PPP2R2C: variants seen among roughly 807,000 people sequenced by gnomAD.
The protein encoded by PPP2R2C is protein phosphatase 2, regulatory subunit B, gamma.
In PPP2R2C, 10 loss-of-function variants were observed where a neutral mutation model predicts 45.3. The ratio of observed to expected loss-of-function variants is 0.22; its 90% CI spans 0.14 to 0.37. The LOEUF (loss-of-function observed/expected upper bound fraction) is 0.37. Among genes scored for constraint, PPP2R2C ranks in the 10% least tolerant of loss-of-function variants. PPP2R2C has a pLI of 1.00. For missense variants in PPP2R2C, 308 were observed against 619.7 expected, an observed-to-expected ratio of 0.50 and a Z score of 5.34; for synonymous variants, 257 against 245.4, an observed-to-expected ratio of 1.05 and a Z score of -0.44.
chr4:6,393,223 G>A (rs910757276), intron 1 of PPP2R2C, among the ~76,000 whole-genome samples: 5 of 151,896 alleles, frequency 3.3e-5, no homozygotes, highest in African/African-American at 4.8e-5. Context: ...CCCCACATCC[G>A]TCGGCAGCCA....
At chr4:6,421,568 C>T (rs1326909439) in intron 1 of PPP2R2C, among the ~76,000 whole-genome samples, 2 of 152,124 alleles carry the variant, frequency 1.3e-5, no homozygotes, top group Admixed American at 6.6e-5. Flanking sequence ...GCCGTGAAAA[C>T]GAAGCCCACA....
chr4:6,520,976 G>A (rs1393353521), intron 2 of PPP2R2C, among the ~76,000 whole-genome samples: 5 of 152,218 alleles, frequency 3.3e-5, no homozygotes, highest in Admixed American at 2.0e-4. Context: ...GACCTCTGGG[G>A]CTTACATACC....
chr4:6,537,040 T>C (rs1247499082), intron 1 of PPP2R2C, among the ~76,000 whole-genome samples: 1 of 151,972 alleles, frequency 6.6e-6, no homozygotes, highest in Non-Finnish European at 1.5e-5. Context: ...CTGTCTCTAC[T>C]GAAAATACAA....
chr4:6,414,750 G>A (rs1718455862), intron 1 of PPP2R2C, among the ~76,000 whole-genome samples: 1 of 152,092 alleles, frequency 6.6e-6, no homozygotes, highest in South Asian at 2.1e-4. Flanking sequence ...GGGGGTGGGA[G>A]AGCCCAATGG....
At chr4:6,381,865 G>T in intron 1 of PPP2R2C, 1 of 1,612,218 alleles carries the variant, frequency 6.2e-7, no homozygotes, top group Non-Finnish European at 8.5e-7. Context: ...CCCACTTTTT[G>T]CATGTGGGAA....
intron 1 of PPP2R2C, among the ~76,000 whole-genome samples, chr4:6,455,929 T>C (rs1721000815): frequency 6.6e-6 from 1 of 151,832 alleles, no homozygotes; most frequent in East Asian, 1.9e-4. Context: ...GCCCACTGCA[T>C]CCCTGCCCCT....
At chr4:6,419,968 C>G (rs946978986) in intron 1 of PPP2R2C, among the ~76,000 whole-genome samples, 9 of 152,160 alleles carry the variant, frequency 5.9e-5, no homozygotes, top group East Asian at 1.9e-4. Context: ...ACACAAGAAC[C>G]CTATTTCCAA....
intron 2 of PPP2R2C, among the ~76,000 whole-genome samples, chr4:6,534,393 C>G (rs1724521247): frequency 6.6e-6 from 1 of 150,418 alleles, no homozygotes; most frequent in Admixed American, 6.6e-5. Context: ...TACACACACA[C>G]CAACACACAC....
intron 5 of PPP2R2C, among the ~76,000 whole-genome samples, chr4:6,371,754 G>A (rs548932311): frequency 6.6e-6 from 1 of 152,342 alleles, no homozygotes; most frequent in East Asian, 1.9e-4. Context: ...TTGTGAAGGT[G>A]AAATGAGTTA....
intron 5 of PPP2R2C, among the ~76,000 whole-genome samples, chr4:6,372,205 G>A (rs1178310644): frequency 1.3e-5 from 2 of 152,236 alleles, no homozygotes. Flanking sequence ...GCAGTCCCTC[G>A]TCCAGAGCAG....
chr4:6,429,864 G>T (rs1719522005), intron 1 of PPP2R2C, among the ~76,000 whole-genome samples: 1 of 152,092 alleles, frequency 6.6e-6, no homozygotes, highest in African/African-American at 2.4e-5. Flanking sequence ...GTGGCATGGG[G>T]GCCAGCTGGA....
rs1241680295 is a variant in PPP2R2C at position 6,368,339 on chromosome 4, A to G, written c.625+4184T>C. ...GCTGGCTGGGCCACCGACTCCCTGT[A>G]GCACCCACGGACCACCTGCTCCAAT... On this transcript the variant is annotated intron_variant, in intron 5 of 8. Coordinates refer to ENST00000382599, the MANE Select transcript of PPP2R2C (RefSeq NM_020416.4). This position sits in a 1 kb window ranked among gnomAD's most constrained non-coding sequence, Gnocchi z 4.2. Among the ~76,000 whole-genome samples the G allele has an allele frequency of 6.6e-6, 1 of 152,104 alleles. No homozygotes were observed. The highest frequency in any genetic ancestry group is 1.5e-5 in the Non-Finnish European group (1 of 68,006).
intron 2 of PPP2R2C, among the ~76,000 whole-genome samples, chr4:6,497,927 G>T (rs1160554089): frequency 6.6e-6 from 1 of 152,226 alleles, no homozygotes; most frequent in African/African-American, 2.4e-5. Flanking sequence ...GAGACCATTA[G>T]CAGTCACCAG....
chr4:6,329,390 T>A lies in PPP2R2C; in HGVS notation c.961-37A>T, dbSNP rs753918244. 6.4e-7 allele frequency: 1 copy of A among 1,556,436 alleles called. No individual in the cohort carries two copies. On this transcript the variant is annotated intron_variant, in intron 7 of 8. Coordinates refer to ENST00000382599, the MANE Select transcript of PPP2R2C (RefSeq NM_020416.4). The surrounding 1 kb of genome is among the most constrained non-coding windows in gnomAD (Gnocchi z 5.8). ...AGGGATGAGGTGAGTGGACGGGGCGTCCCGACCATCCTGGCCCTTCCACAA... is the reference window on the plus strand; with the variant it reads ...AGGGATGAGGTGAGTGGACGGGGCGACCCGACCATCCTGGCCCTTCCACAA...
intron 2 of PPP2R2C, among the ~76,000 whole-genome samples, chr4:6,518,517 C>G (rs1306740921): frequency 6.6e-6 from 1 of 152,192 alleles, no homozygotes; most frequent in African/African-American, 2.4e-5. Context: ...ACACTGTGAA[C>G]AACTCTATGC....
At chr4:6,536,037 C>T (rs1158113368) in intron 1 of PPP2R2C, among the ~76,000 whole-genome samples, 2 of 152,224 alleles carry the variant, frequency 1.3e-5, no homozygotes, top group African/African-American at 2.4e-5. Context: ...CCCCTGACAG[C>T]TTCTTTCCAG....
At chr4:6,400,201 C>T (rs12510309) in intron 1 of PPP2R2C, among the ~76,000 whole-genome samples, 41,882 of 152,026 alleles carry the variant, frequency 0.28, 6,547 homozygotes, top group East Asian at 0.71. Context: ...GATAGATGTT[C>T]GACAATACCT....
chr4:6,414,730 G>T (rs557115260), intron 1 of PPP2R2C, among the ~76,000 whole-genome samples: 1 of 151,982 alleles, frequency 6.6e-6, no homozygotes, highest in Admixed American at 6.5e-5. Context: ...GCTGGATGGA[G>T]GGAGGAACAG....
chr4:6,383,672 C>G (rs1055291595), intron 1 of PPP2R2C: 17 of 559,574 alleles, frequency 3.0e-5, no homozygotes, highest in Non-Finnish European at 3.9e-5. Context: ...CTGACCATCC[C>G]TGCCCCAACC....
Sources: gnomAD v4.1 joint callset for allele counts (sites outside exome capture counted in the v4.1 genomes callset) on GRCh38, gnomAD v4.1.1 for gene constraint, Gnocchi (gnomAD v3.1) non-coding constraint, MANE v1.5 for transcripts, NCBI Gene and HGNC (gene_info 2026-07-23, HGNC 2026-07-21) for gene names.